Variants in HEATR5A observed in about 807,000 individuals in gnomAD.
HEATR5A encodes the protein HEAT repeat-containing protein 5A.
Under a neutral mutation model 218.8 loss-of-function variants are expected in HEATR5A, and 178 were observed. That is an observed-to-expected ratio of 0.81 (90% CI 0.72 to 0.92). HEATR5A has a LOEUF of 0.92. HEATR5A is among the 40% of genes least tolerant of loss of function. The pLI, the probability that HEATR5A is intolerant of heterozygous loss-of-function variation, is 0.00. For missense variants in HEATR5A, 2,420 were observed against 2,418.9 expected (o/e 1.00, Z -0.01); for synonymous variants, 864 against 871.6 (o/e 0.99, Z 0.15).
chr14:31,358,035 T>TA (rs1901486419), intron 16 of HEATR5A, among the ~76,000 whole-genome samples: 2 of 152,172 alleles, frequency 1.3e-5, no homozygotes, highest in African/African-American at 4.8e-5. Flanking sequence ...GTGTGAACCC[T>TA]ATTGTCAACT....
chr14:31,386,635 G>T (rs2030235393), intron 8 of HEATR5A, 60 bp from the exon 9 acceptor site: 1 of 1,452,360 alleles, frequency 6.9e-7, no homozygotes. Flanking sequence ...ATTGAAAAGG[G>T]TGTGAAGAGT....
At chr14:31,402,814 C>T (rs1313023311) in intron 2 of HEATR5A, 36 bp downstream of exon 2, 2 of 1,533,104 alleles carry the variant, frequency 1.3e-6, no homozygotes, top group African/African-American at 2.7e-5. Context: ...AACATGGGCA[C>T]TTAAACAAAA....
chr14:31,404,975 A>G (rs1337236176), intron 1 of HEATR5A, among the ~76,000 whole-genome samples: 1 of 147,470 alleles, frequency 6.8e-6, no homozygotes, highest in South Asian at 2.2e-4. Flanking sequence ...CTGTAATCCC[A>G]GTACTTTGAG....
At chr14:31,347,616 A>C in intron 19 of HEATR5A, 132 bp downstream of exon 19, 1 of 653,848 alleles carries the variant, frequency 1.5e-6, no homozygotes, top group Non-Finnish European at 2.3e-6. Flanking sequence ...AAAATCCACC[A>C]AGGTTAACAA....
chr14:31,305,489 C>T (rs1899528291), intron 31 of HEATR5A, among the ~76,000 whole-genome samples: 1 of 152,130 alleles, frequency 6.6e-6, no homozygotes, highest in South Asian at 2.1e-4. Flanking sequence ...TCTCGAACTC[C>T]TGACCTCAAG....
At chr14:31,419,603 A>C (rs1468440530) in intron 1 of HEATR5A, among the ~76,000 whole-genome samples, 2 of 152,244 alleles carry the variant, frequency 1.3e-5, no homozygotes, top group Non-Finnish European at 2.9e-5. Context: ...ATATTTGTTC[A>C]ATAAATGAAT....
chr14:31,363,495 G>A (rs76068234), intron 14 of HEATR5A, among the ~76,000 whole-genome samples: 1,623 of 152,160 alleles, frequency 0.011, 16 homozygotes, highest in Admixed American at 0.015. Context: ...CACAGCATGA[G>A]GCAAACTTAT....
At position 31,313,008 on chromosome 14, in the gene HEATR5A, T is replaced by C. The variant is rs1342135552; in HGVS notation, c.4401A>G (p.Leu1467=). The stretch of plus-strand genomic sequence containing the variant: ...GGGAGGCAAATTCTGAAGGCAAAGT[T>C]AAAAGAGCAAAATCCTGAAGTGCAG... ...WLAALQDFAL[L]TLPSEFASQL... Residue 1467 remains leucine (L), a synonymous_variant, in exon 28 of 36, where the codon TTA becomes TTG. Transcript: ENST00000543095. The C allele has an allele frequency of 6.2e-7, 1 of 1,613,982 alleles. No individual in the cohort carries two copies. The highest frequency in any genetic ancestry group is 1.7e-5 in the Admixed American group (1 of 60,010).
chr14:31,370,139 T>C (rs1474575650), intron 13 of HEATR5A, among the ~76,000 whole-genome samples: 2 of 147,110 alleles, frequency 1.4e-5, no homozygotes, highest in Admixed American at 6.8e-5. Flanking sequence ...GGCAGGAGAA[T>C]GGTGTGAACC....
In HEATR5A at chr14:31,358,880, A is replaced by C. The variant is rs778846581; in HGVS notation, c.2235+14T>G. ...CACAGATTGAATCTAATCAAGAGTA[A>C]AAAATGGCCATACCTGTTCTTCAAT... On this transcript the variant is annotated intron_variant, in intron 15 of 35. Transcript: ENST00000543095. 22 of 1,599,620 alleles carry C rather than the reference A, an allele frequency of 1.4e-5. No individual in the cohort carries two copies. Among genetic ancestry groups the C allele is most frequent in the Non-Finnish European group, 1.7e-5 (20 of 1,174,066 alleles).
intron 9 of HEATR5A, 78 bp from the exon 10 acceptor site, chr14:31,383,849 G>A: frequency 9.8e-7 from 1 of 1,023,806 alleles, no homozygotes; most frequent in East Asian, 2.6e-5. Context: ...AGAATACATA[G>A]CCACATGGAT....
intron 35 of HEATR5A, 35 bp downstream of exon 35, chr14:31,293,856 T>C (rs1566743363): frequency 6.6e-7 from 1 of 1,510,086 alleles, no homozygotes; most frequent in Non-Finnish European, 9.1e-7. Context: ...CTGATTTTTG[T>C]TGAGACTGAG....
rs115817200 is a variant in HEATR5A at position 31,377,489 on chromosome 14, C to T, written c.1709-2521G>A. Among the ~76,000 whole-genome samples the T allele has an allele frequency of 3.6e-3, 551 of 152,224 alleles. 7 individuals carry two copies. The highest frequency in any genetic ancestry group is 0.013 in the African/African-American group (523 of 41,536). ...ACGCACTCTAAAAATTGATAATAGC[C>T]TGGGTGCAGTGGCTCACTCCTGTAG... is the stretch of plus-strand genomic sequence containing the variant. On this transcript the variant is annotated intron_variant, in intron 11 of 35. Coordinates refer to ENST00000543095, the MANE Select transcript of HEATR5A (RefSeq NM_015473.4).
Position 31,377,582 on chromosome 14 carries a change from G to C in HEATR5A, c.1709-2614C>G, listed in dbSNP as rs1002547807. The stretch of plus-strand genomic sequence containing the variant: ...CCAGGAGTAACCTGCTTGAGTCCAG[G>C]AGTTTAAGACCAACCTGGGCAACAT... On this transcript the variant is annotated intron_variant, in intron 11 of 35. Transcript: ENST00000543095. 6.6e-5 allele frequency among the ~76,000 whole-genome samples: 10 copies of C among 152,044 alleles called. No homozygotes were observed. The East Asian group carries it at 1.7e-3, about 26-fold the overall frequency.
chr14:31,318,119 G>A lies in HEATR5A; in HGVS notation c.4038+105C>T, dbSNP rs898875287. On this transcript the variant is annotated intron_variant, in intron 26 of 35. Coordinates refer to ENST00000543095, the MANE Select transcript of HEATR5A (RefSeq NM_015473.4). ...GTTTAAGAAGAAAAGTGTAAGCTAT[G>A]ATTGACGGTAAGACAACCATAAAGA... 3 of 900,406 alleles carry A rather than the reference G, an allele frequency of 3.3e-6. No homozygotes were observed. The African/African-American group carries it at 4.9e-5, about 15-fold the overall frequency. 55.8% of individuals were successfully genotyped at this position (900,406 alleles called of 1,614,324 possible).
At chr14:31,314,185 T>C (rs1899843666) in intron 27 of HEATR5A, among the ~76,000 whole-genome samples, 1 of 152,100 alleles carries the variant, frequency 6.6e-6, no homozygotes, top group South Asian at 2.1e-4. Context: ...TGACCTCAAG[T>C]GATCTGCCCG....
Position 31,349,909 on chromosome 14 carries a change from C to G in HEATR5A, c.2588G>C (p.Gly863Ala), listed in dbSNP as rs770518807. ...CAAGGGGTTGGGGCTTTCTAGGGCTCCCATAACTAATGTTAAGGCAAATCT... is the reference window on the plus strand; with the variant it reads ...CAAGGGGTTGGGGCTTTCTAGGGCTGCCATAACTAATGTTAAGGCAAATCT... ...MKRFALTLVM[G>A]ALESPNPLLR... Residue 863 changes from glycine (G) to alanine (A), a missense_variant, in exon 18 of 36, where the codon GGA (glycine) becomes GCA (alanine). Gly to Ala is a moderately conservative substitution (Grantham distance 60). Coordinates refer to ENST00000543095, the MANE Select transcript of HEATR5A (RefSeq NM_015473.4). 1.9e-6 allele frequency: 3 copies of G among 1,611,470 alleles called. No homozygotes were observed. The Admixed American group carries it at 5.0e-5, about 27-fold the overall frequency.
At chr14:31,308,250 G>C (rs970982727) in intron 29 of HEATR5A, among the ~76,000 whole-genome samples, 2 of 152,144 alleles carry the variant, frequency 1.3e-5, no homozygotes, top group African/African-American at 4.8e-5. Context: ...GCTCACACCT[G>C]TAATCCCAGC....
chr14:31,409,191 G>A (rs898849925), intron 1 of HEATR5A, among the ~76,000 whole-genome samples: 2 of 149,090 alleles, frequency 1.3e-5, no homozygotes, highest in African/African-American at 4.9e-5. Flanking sequence ...GGGACTACAG[G>A]CACATGCCAC....
Sources: gnomAD v4.1 joint callset for allele counts (sites outside exome capture counted in the v4.1 genomes callset) on GRCh38, gnomAD v4.1.1 for gene constraint, MANE v1.5 for transcripts, NCBI Gene and HGNC (gene_info 2026-07-23, HGNC 2026-07-21) for gene names.